The following ATP2B3 variants were observed in gnomAD, a reference collection of about 807,000 sequenced individuals.
ATP2B3 encodes plasma membrane calcium-transporting ATPase 3.
ATP2B3 carries 12 observed loss-of-function variants against 70.8 expected under a neutral mutation model. That is an observed-to-expected ratio of 0.17 (90% CI 0.11 to 0.27). ATP2B3 has a LOEUF of 0.27. Ranked by LOEUF, ATP2B3 falls within the 10% of genes least tolerant of loss-of-function variation. ATP2B3 has a pLI of 1.00. For synonymous variants in ATP2B3, 460 were observed against 497.8 expected (o/e 0.92, Z 1.01); for missense variants, 858 against 1,118.5 (o/e 0.77, Z 3.32).
At chrX:153,535,311 G>A (rs1367103296) in intron 2 of ATP2B3, among the ~76,000 whole-genome samples, 1 of 112,127 alleles carries the variant, frequency 8.9e-6, no homozygotes, top group Non-Finnish European at 1.9e-5. Flanking sequence ...CATCTGGAGG[G>A]AAGAAGAGCG....
chrX:153,532,981 G>A (rs2090139182), intron 2 of ATP2B3: 1 of 112,013 alleles, frequency 8.9e-6, no homozygotes, highest in Non-Finnish European at 1.9e-5. Flanking sequence ...GATGGATCCT[G>A]TCTGCCCTAT....
At chrX:153,574,674 C>T (rs2090832751) in intron 21 of ATP2B3, 3 of 288,671 alleles carry the variant, frequency 1.0e-5, no homozygotes, top group Admixed American at 3.5e-5. Flanking sequence ...CTACTCTTCT[C>T]GGTCCTTCGC....
Position 153,559,859 on chromosome X carries a change from C to T in ATP2B3, c.2756C>T (p.Pro919Leu), listed in dbSNP as rs782457643. 9.9e-6 allele frequency: 12 copies of T among 1,212,162 alleles called. No individual in the cohort carries two copies. Among genetic ancestry groups the T allele is most frequent in the Non-Finnish European group, 1.3e-5 (12 of 895,608 alleles). ...LLRKPYGRDK[P>L]LISRTMMKNI... Reference sequence around the variant, plus strand: ...CGGAAGCCGTACGGCCGCGACAAGCCCCTCATCTCCCGCACCATGATGAAG... The same window carrying T: ...CGGAAGCCGTACGGCCGCGACAAGCTCCTCATCTCCCGCACCATGATGAAG... Residue 919 changes from proline to leucine, a missense_variant, in exon 18 of 22, where the codon CCC (proline) becomes CTC (leucine). Around this residue, in one of 5 missense-constraint regions of ATP2B3, gnomAD observed 265 missense variants for 305.3 expected, o/e 0.87. Transcript: ENST00000263519.
chrX:153,557,032 C>T lies in ATP2B3; in HGVS notation c.2433+9C>T, dbSNP rs1322254238. The T allele has an allele frequency of 4.3e-6, 5 of 1,166,218 alleles. No individual in the cohort carries two copies. The African/African-American group carries it at 5.3e-5, about 12-fold the overall frequency. ...ACGTGGGCTTCGCCATGGTAAGCCA[C>T]CTGGTGCCCGCCCAGCTCACCACGG... On this transcript the variant is annotated intron_variant, in intron 16 of 21. Coordinates refer to ENST00000263519, the MANE Select transcript of ATP2B3 (RefSeq NM_001001344.3).
intron 21 of ATP2B3, chrX:153,569,471 C>T (rs781818484): frequency 2.7e-5 from 20 of 750,802 alleles, no homozygotes; most frequent in African/African-American, 2.5e-4. Flanking sequence ...TCCCAGTGAG[C>T]GGGGTGACCC....
At chrX:153,568,541 G>A (rs2090743372) in intron 21 of ATP2B3, among the ~76,000 whole-genome samples, 1 of 111,548 alleles carries the variant, frequency 9.0e-6, no homozygotes, top group Non-Finnish European at 1.9e-5. Flanking sequence ...TCCTCCTTCC[G>A]TGCGCTGACA....
intron 2 of ATP2B3, chrX:153,533,224 C>G (rs1210227793): frequency 1.8e-5 from 2 of 111,827 alleles, no homozygotes; most frequent in African/African-American, 3.2e-5. Flanking sequence ...TGGTGGGAGA[C>G]AAGCTCACAG....
intron 19 of ATP2B3, among the ~76,000 whole-genome samples, chrX:153,561,464 G>A (rs1292222032): frequency 8.9e-6 from 1 of 112,486 alleles, no homozygotes; most frequent in African/African-American, 3.2e-5. Flanking sequence ...GACCCCAAGA[G>A]GAGGACACAT....
intron 21 of ATP2B3, among the ~76,000 whole-genome samples, chrX:153,571,006 A>G (rs868922359): frequency 1.3e-4 from 12 of 95,376 alleles, no homozygotes; most frequent in African/African-American, 3.6e-4. Context: ...GCGCGCGTAC[A>G]CACACACACA....
intron 7 of ATP2B3, among the ~76,000 whole-genome samples, chrX:153,544,239 T>C (rs1402958013): frequency 8.9e-6 from 1 of 112,258 alleles, no homozygotes; most frequent in African/African-American, 3.2e-5. Context: ...CCTAGGCCTC[T>C]GTCCTGGGAA....
chrX:153,556,877 A>T, intron 15 of ATP2B3, 40 bp from the exon 16 acceptor site: 1 of 1,147,634 alleles, frequency 8.7e-7, no homozygotes. Context: ...TTGTGGTGAC[A>T]GATGGCCCCA....
intron 21 of ATP2B3, among the ~76,000 whole-genome samples, chrX:153,571,002 G>GCACACACACA (rs782372965): frequency 3.7e-5 from 1 of 26,756 alleles, no homozygotes. Flanking sequence ...ACGTGCGCGC[G>GCACACACACA]TACACACACA....
chrX:153,558,639 G>T (rs1167292052), intron 17 of ATP2B3, among the ~76,000 whole-genome samples: 1 of 112,122 alleles, frequency 8.9e-6, no homozygotes, highest in Non-Finnish European at 1.9e-5. Flanking sequence ...CTATGGATTT[G>T]CCTGTTCCGG....
chrX:153,574,563 TAGAA>T (rs1180354664), intron 21 of ATP2B3, among the ~76,000 whole-genome samples: 1 of 111,668 alleles, frequency 9.0e-6, no homozygotes, highest in African/African-American at 3.3e-5. Context: ...CTTGAGGAAT[TAGAA>T]GGAAGAGTGA....
chrX:153,554,838 C>A (rs1271419777), intron 13 of ATP2B3, among the ~76,000 whole-genome samples: 1 of 112,335 alleles, frequency 8.9e-6, no homozygotes, highest in East Asian at 2.8e-4. Context: ...GGGAGCAGGG[C>A]TGAGCAGGCG....
intron 21 of ATP2B3, among the ~76,000 whole-genome samples, chrX:153,576,732 G>A (rs1271416763): frequency 2.7e-5 from 3 of 111,744 alleles, no homozygotes; most frequent in African/African-American, 9.8e-5. Flanking sequence ...CAGAGCAGGA[G>A]GCGGTGCAGG....
intron 21 of ATP2B3, among the ~76,000 whole-genome samples, chrX:153,569,056 G>A (rs1409654138): frequency 1.8e-5 from 2 of 112,430 alleles, no homozygotes; most frequent in Non-Finnish European, 3.8e-5. Context: ...GCTGCCAGTC[G>A]GTGGGAAAAC....
In ATP2B3 at chrX:153,541,752, G is replaced by A. The variant is rs782486359; in HGVS notation, c.490G>A (p.Val164Ile). The change falls in exon 5 of 22, where the codon GTC (valine) becomes ATC (isoleucine). Residue 164 changes from valine to isoleucine, a missense_variant. Val to Ile is a conservative substitution (Grantham distance 29). Coordinates refer to ENST00000263519, the MANE Select transcript of ATP2B3 (RefSeq NM_001001344.3). ...CGAGGGGGCTGCCATCCTGCTGTCC[G>A]TCATCTGTGTGGTGCTGGTCACGGC... ...WIEGAAILLS[V>I]ICVVLVTAFN... is the part of the protein sequence containing the mutation. 1.2e-5 allele frequency: 15 copies of A among 1,209,923 alleles called. No homozygotes were observed. The highest frequency in any genetic ancestry group is 2.3e-4 in the Middle Eastern group (1 of 4,375).
intron 19 of ATP2B3, among the ~76,000 whole-genome samples, chrX:153,561,614 G>A (rs1161061690): frequency 2.7e-5 from 3 of 111,787 alleles, no homozygotes; most frequent in Non-Finnish European, 3.8e-5. Flanking sequence ...GCTAGGTTGC[G>A]TCATTGCAGC....
Sources: gnomAD v4.1 joint callset for allele counts (sites outside exome capture counted in the v4.1 genomes callset) on GRCh38, gnomAD v4.1.1 for gene constraint, gnomAD v4.1.1 regional missense constraint, MANE v1.5 for transcripts, NCBI Gene and HGNC (gene_info 2026-07-23, HGNC 2026-07-21) for gene names.